Variants in SPATA1 observed in about 807,000 individuals in gnomAD.
SPATA1 encodes spermatogenesis associated 1, also known as spermatogenesis-associated protein 1.
In SPATA1, 57 loss-of-function variants were observed where a neutral mutation model predicts 59.6. The observed-to-expected ratio is 0.96, with a 90% CI of 0.77 to 1.19. SPATA1 has a LOEUF of 1.19. SPATA1 is among the 50% of genes most tolerant of loss of function. The probability of loss-of-function intolerance (pLI) is 0.00; values close to 1 mark genes in which losing one functional copy is unlikely to be tolerated. For missense variants in SPATA1, 448 were observed against 480.7 expected (o/e 0.93, Z 0.64); for synonymous variants, 147 against 163.9 (o/e 0.90, Z 0.79).
chr1:84,536,968 C>A (rs1431129989), intron 8 of SPATA1, among the ~76,000 whole-genome samples: 1 of 150,840 alleles, frequency 6.6e-6, no homozygotes, highest in African/African-American at 2.4e-5. Flanking sequence ...CAACCTCTGC[C>A]ACCCAGGTTC....
intron 4 of SPATA1, among the ~76,000 whole-genome samples, chr1:84,565,212 T>TA (rs978452874): frequency 9.0e-4 from 128 of 142,534 alleles, no homozygotes; most frequent in Middle Eastern, 3.6e-3. Flanking sequence ...AAATAAAAAT[T>TA]AAAAAAAAAA....
At chr1:84,520,024 A>G (rs898229658) in intron 2 of SPATA1, 3 of 152,224 alleles carry the variant, frequency 2.0e-5, no homozygotes, top group African/African-American at 7.2e-5. Context: ...GGATAGTTAC[A>G]TAGAAGCATA....
At chr1:84,528,840 G>T in intron 6 of SPATA1, among the ~76,000 whole-genome samples, 1 of 152,014 alleles carries the variant, frequency 6.6e-6, no homozygotes, top group South Asian at 2.1e-4. Flanking sequence ...CCATAATCTT[G>T]CCATTATGTC....
chr1:84,560,083 C>CAA (rs751117358), intron 4 of SPATA1, among the ~76,000 whole-genome samples: 1 of 61,326 alleles, frequency 1.6e-5, no homozygotes. Context: ...GACTCTGTCT[C>CAA]AAAAAAAAAA....
intron 1 of SPATA1, among the ~76,000 whole-genome samples, chr1:84,508,157 C>G (rs1247373013): frequency 6.6e-6 from 1 of 151,872 alleles, no homozygotes; most frequent in African/African-American, 2.4e-5. Context: ...TGCGCGCCAC[C>G]CAGGAGTCCC....
In SPATA1 at chr1:84,527,363, G is replaced by T. The variant is rs1240845053; in HGVS notation, c.544+1290G>T. Among the ~76,000 whole-genome samples the T allele has an allele frequency of 3.3e-5, 5 of 152,046 alleles. No individual in the cohort carries two copies. The South Asian group carries it at 6.2e-4, about 19-fold the overall frequency. ...TGCTTTAAATGAGAGGCCAGTGTGT[G>T]TTCATTTTTAAAAGTTCTAGAAACA... On this transcript the variant is annotated intron_variant, in intron 6 of 12. Transcript: ENST00000490879.
In SPATA1 at chr1:84,533,621, G is replaced by T. The variant is rs530155629; in HGVS notation, c.660-88G>T. ...AAAATTTTCAATATTTGTGTTTACAGAGCATCAAATAAAATACATAAAATA... is the reference window on the plus strand; with the variant it reads ...AAAATTTTCAATATTTGTGTTTACATAGCATCAAATAAAATACATAAAATA... On this transcript the variant is annotated intron_variant, in intron 7 of 12. Transcript: ENST00000490879. 19 of 1,046,672 alleles carry T rather than the reference G, an allele frequency of 1.8e-5. No individual in the cohort carries two copies. The East Asian group carries it at 5.0e-4, about 28-fold the overall frequency. The allele number at this position is 1,046,672 out of a possible 1,614,324, so 64.8% of individuals were successfully genotyped here.
intron 8 of SPATA1, among the ~76,000 whole-genome samples, chr1:84,536,874 CTTTTTTCT>C (rs1405999800): frequency 4.8e-5 from 5 of 104,802 alleles, no homozygotes; most frequent in Admixed American, 2.8e-4. Context: ...TTTGTTTTTT[CTTTTTTCT>C]TTTTTTTTTT....
intron 1 of SPATA1, among the ~76,000 whole-genome samples, chr1:84,510,828 G>A (rs1315299332): frequency 1.3e-5 from 2 of 152,074 alleles, no homozygotes; most frequent in Non-Finnish European, 2.9e-5. Flanking sequence ...GTACCGTTCC[G>A]CCATAAAAAA....
chr1:84,561,326 G>A (rs539993453), intron 4 of SPATA1, among the ~76,000 whole-genome samples: 2 of 152,280 alleles, frequency 1.3e-5, no homozygotes, highest in East Asian at 1.9e-4. Context: ...TAGAATTGGA[G>A]GTGAATCCTA....
intron 1 of SPATA1, among the ~76,000 whole-genome samples, chr1:84,507,787 G>C (rs1440636213): frequency 6.6e-6 from 1 of 151,954 alleles, no homozygotes; most frequent in African/African-American, 2.4e-5. Flanking sequence ...GGAATATATG[G>C]TCCAATAATT....
intron 8 of SPATA1, among the ~76,000 whole-genome samples, chr1:84,539,994 T>G (rs1255757758): frequency 6.6e-6 from 1 of 152,220 alleles, no homozygotes; most frequent in East Asian, 1.9e-4. Flanking sequence ...TAATGCCTTT[T>G]TGGCCTGAAT....
intron 1 of SPATA1, chr1:84,506,777 C>CCGGG (rs1352905643): frequency 6.6e-6 from 1 of 152,434 alleles, no homozygotes; most frequent in Non-Finnish European, 1.5e-5. Context: ...CCCAGCGGAG[C>CCGGG]CGGGCGGGCG....
chr1:84,513,923 C>T (rs1337554828), intron 1 of SPATA1, among the ~76,000 whole-genome samples: 1 of 149,170 alleles, frequency 6.7e-6, no homozygotes, highest in East Asian at 2.0e-4. Context: ...CTCACTGCAA[C>T]GTCCACCTCC....
At chr1:84,531,203 A>C (rs6696326) in intron 6 of SPATA1, among the ~76,000 whole-genome samples, 27,688 of 151,614 alleles carry the variant, frequency 0.18, 4,859 homozygotes, top group African/African-American at 0.46. Context: ...CTCTCTCCAG[A>C]CCAGGCTGGA....
rs535007456 is a variant in SPATA1 at position 84,546,186 on chromosome 1, G to A, written c.946+427G>A. ...ATGATACATCCTTGCCAGCGCAGTGGTTCATGCCTGTAATCCCAGAACTTT... is the reference window on the plus strand; with the variant it reads ...ATGATACATCCTTGCCAGCGCAGTGATTCATGCCTGTAATCCCAGAACTTT... On this transcript the variant is annotated intron_variant, in intron 10 of 12. Transcript: ENST00000490879. Among the ~76,000 whole-genome samples the A allele has an allele frequency of 5.3e-5, 8 of 152,290 alleles. No homozygotes were observed. The South Asian group carries it at 1.7e-3, about 32-fold the overall frequency.
At chr1:84,564,301 T>C (rs1684648333) in intron 4 of SPATA1, among the ~76,000 whole-genome samples, 1 of 152,200 alleles carries the variant, frequency 6.6e-6, no homozygotes, top group African/African-American at 2.4e-5. Context: ...AAGAAATGTG[T>C]CATCTATAGT....
chr1:84,558,749 A>T (rs1263913452), downstream of SPATA1, among the ~76,000 whole-genome samples: 3 of 152,036 alleles, frequency 2.0e-5, no homozygotes, highest in East Asian at 1.9e-4. Flanking sequence ...AAAAGTAAAA[A>T]AATCAGCCTG....
downstream of SPATA1, chr1:84,555,000 C>T: frequency 6.2e-7 from 1 of 1,612,482 alleles, no homozygotes; most frequent in South Asian, 1.1e-5. Context: ...AAAAGATGTT[C>T]ATCTCTGTAA....
Sources: allele counts gnomAD v4.1 joint callset (sites outside exome capture counted in the v4.1 genomes callset), GRCh38; gene constraint gnomAD v4.1.1; transcripts MANE v1.5; gene names NCBI Gene and HGNC (gene_info 2026-07-23, HGNC 2026-07-21).